Variants in AHCY observed in about 807,000 individuals in gnomAD.
AHCY encodes the protein S-adenosyl-L-homocysteine hydrolase.
A neutral mutation model predicts 45.4 loss-of-function variants in AHCY; 24 were observed. The ratio of observed to expected loss-of-function variants is 0.53; its 90% CI spans 0.38 to 0.74. The LOEUF is 0.74. AHCY is among the 30% of genes least tolerant of loss of function. The pLI is 0.00. For synonymous variants in AHCY, 245 were observed against 235.1 expected, an observed-to-expected ratio of 1.04 and a Z score of -0.39; for missense variants, 449 against 594.1, an observed-to-expected ratio of 0.76 and a Z score of 2.54.
At position 34,302,963 on chromosome 20, in the gene AHCY, T is replaced by C. The variant is rs1170782177; in HGVS notation, c.28+280A>G. 4.1e-6 allele frequency: 4 copies of C among 985,380 alleles called. No homozygotes were observed. In the African/African-American group the frequency reaches 5.2e-5, roughly 13 times the overall value. The allele number at this position is 985,380 out of a possible 1,614,324, so 61.0% of individuals were successfully genotyped here. A position where few individuals can be genotyped will look rare whatever the true frequency, so the allele number is the denominator to read the frequency against. ...CGTCCCAGGCCGTGGCCAGGTGTGC[T>C]CTCCCGCGGAGCACGCCGCCAGTTT... On this transcript the variant is annotated intron_variant, in intron 1 of 9. Transcript: ENST00000217426.
intron 1 of AHCY, among the ~76,000 whole-genome samples, chr20:34,308,955 ATTTTT>A (rs769193254): frequency 1.1e-5 from 1 of 89,578 alleles, no homozygotes; most frequent in African/African-American, 4.7e-5. Context: ...CGCCTGGCCA[ATTTTT>A]TTTTTTTTTT....
chr20:34,273,113 G>T, the AHCY span, among the ~76,000 whole-genome samples: 2 of 152,022 alleles, frequency 1.3e-5, no homozygotes, highest in Non-Finnish European at 2.9e-5. Flanking sequence ...TAAACCATTG[G>T]CCATTGGTGA....
chr20:34,246,884 C>T, the AHCY span, among the ~76,000 whole-genome samples: 1 of 152,144 alleles, frequency 6.6e-6, no homozygotes, highest in South Asian at 2.1e-4. Flanking sequence ...CTTTCCTTTT[C>T]TGCCTGTTTT....
intron 8 of AHCY, among the ~76,000 whole-genome samples, chr20:34,287,121 G>C (rs1458344181): frequency 6.6e-6 from 1 of 152,124 alleles, no homozygotes; most frequent in Non-Finnish European, 1.5e-5. Flanking sequence ...TTTCCAAGCT[G>C]CTCCAGAGGC....
chr20:34,269,511 C>T, the AHCY span, among the ~76,000 whole-genome samples: 6 of 152,068 alleles, frequency 3.9e-5, no homozygotes, highest in Admixed American at 1.3e-4. Flanking sequence ...GAGGCTATCC[C>T]CTGCCTTTAA....
At chr20:34,258,674 C>CATAT in the AHCY span, among the ~76,000 whole-genome samples, 21 of 12,154 alleles carry the variant, frequency 1.7e-3, 5 homozygotes, top group East Asian at 0.061. Context: ...AGGGGGATGC[C>CATAT]ATATATATAT....
At chr20:34,303,121 C>A in intron 1 of AHCY, 122 bp downstream of exon 1, 1 of 1,499,348 alleles carries the variant, frequency 6.7e-7, no homozygotes, top group Non-Finnish European at 8.9e-7. Context: ...CGGCCAGAAA[C>A]GCGCCGAGGC....
the AHCY span, among the ~76,000 whole-genome samples, chr20:34,236,277 C>T: frequency 1.3e-5 from 2 of 152,204 alleles, no homozygotes; most frequent in African/African-American, 2.4e-5. Context: ...CAGTGGCTCA[C>T]GCCTATAATC....
intron 9 of AHCY, among the ~76,000 whole-genome samples, chr20:34,283,985 C>A (rs965701717): frequency 6.6e-6 from 1 of 151,774 alleles, no homozygotes; most frequent in Non-Finnish European, 1.5e-5. Context: ...GGGTAAGGGA[C>A]AAAGCAAAGT....
the AHCY span, among the ~76,000 whole-genome samples, chr20:34,257,359 A>G: frequency 1.3e-5 from 2 of 152,200 alleles, no homozygotes; most frequent in Admixed American, 1.3e-4. Context: ...TGCTGGGATT[A>G]TAGGCGTGAG....
chr20:34,274,110 G>A, the AHCY span, among the ~76,000 whole-genome samples: 2 of 152,144 alleles, frequency 1.3e-5, no homozygotes, highest in Non-Finnish European at 1.5e-5. Context: ...TGGACTCTAT[G>A]GCTGTATAGA....
the AHCY span, among the ~76,000 whole-genome samples, chr20:34,255,572 T>A: frequency 6.6e-6 from 1 of 152,240 alleles, no homozygotes; most frequent in Admixed American, 6.5e-5. Flanking sequence ...ATTATAGATG[T>A]GATTATATAT....
the AHCY span, among the ~76,000 whole-genome samples, chr20:34,243,615 A>G: frequency 2.0e-5 from 3 of 152,132 alleles, no homozygotes; most frequent in Non-Finnish European, 4.4e-5. Flanking sequence ...CCAACAGAAT[A>G]CATATGTAAC....
At chr20:34,247,922 A>C in the AHCY span, among the ~76,000 whole-genome samples, 2 of 152,062 alleles carry the variant, frequency 1.3e-5, no homozygotes, top group African/African-American at 2.4e-5. Flanking sequence ...ATTGCCCCTG[A>C]AGGCCGGGCG....
chr20:34,241,181 T>C, the AHCY span, among the ~76,000 whole-genome samples: 1 of 152,226 alleles, frequency 6.6e-6, no homozygotes, highest in Admixed American at 6.5e-5. Flanking sequence ...TTAACTTTTA[T>C]ATGAACTGGG....
At chr20:34,247,018 G>A in the AHCY span, among the ~76,000 whole-genome samples, 1 of 143,740 alleles carries the variant, frequency 7.0e-6, no homozygotes, top group African/African-American at 2.6e-5. Context: ...TTTTAGACAG[G>A]GTCTCACTCT....
At chr20:34,235,581 C>T in the AHCY span, among the ~76,000 whole-genome samples, 5 of 151,938 alleles carry the variant, frequency 3.3e-5, no homozygotes, top group Non-Finnish European at 5.9e-5. Context: ...TTTCTTAGCA[C>T]GATAACAATC....
At chr20:34,301,804 C>G (rs2036781551) in intron 1 of AHCY, 1 of 985,326 alleles carries the variant, frequency 1.0e-6, no homozygotes, top group Non-Finnish European at 1.2e-6. Context: ...ACAGTCTACT[C>G]TGGTAGCAAC....
At chr20:34,307,829 C>T (rs1464104570), upstream of AHCY, among the ~76,000 whole-genome samples, 1 of 152,114 alleles carries the variant, frequency 6.6e-6, no homozygotes, top group Non-Finnish European at 1.5e-5. Flanking sequence ...TTCAGGGGTA[C>T]CTGTGCCAGT....
Sources: allele counts gnomAD v4.1 joint callset (sites outside exome capture counted in the v4.1 genomes callset), GRCh38; gene constraint gnomAD v4.1.1; transcripts MANE v1.5; gene names NCBI Gene and HGNC (gene_info 2026-07-23, HGNC 2026-07-21).